CNTLN: variants seen among roughly 807,000 people sequenced by gnomAD.
CNTLN encodes the protein centlein, also known as centlein, centrosomal protein.
Under a neutral mutation model 180.0 loss-of-function variants are expected in CNTLN, and 212 were observed. That is an observed-to-expected ratio of 1.18 (90% CI 1.05 to 1.32). The LOEUF is 1.32. Among genes scored for constraint, CNTLN ranks in the 40% most tolerant of loss-of-function variants. CNTLN has a pLI of 0.00. For synonymous variants in CNTLN, 722 were observed against 563.1 expected (o/e 1.28, Z -3.99); for missense variants, 2,095 against 1,610.9 (o/e 1.30, Z -5.14).
intron 13 of CNTLN, among the ~76,000 whole-genome samples, chr9:17,373,272 A>T (rs958019992): frequency 1.3e-5 from 2 of 152,202 alleles, no homozygotes; most frequent in African/African-American, 4.8e-5. Context: ...AAACAAATTC[A>T]GTAAAGTGGA....
intron 6 of CNTLN, 139 bp from the exon 7 acceptor site, chr9:17,298,051 C>G: frequency 1.9e-6 from 1 of 532,500 alleles, no homozygotes; most frequent in African/African-American, 2.0e-5. Flanking sequence ...GTCATTATTT[C>G]TTTTATTAAT....
intron 18 of CNTLN, among the ~76,000 whole-genome samples, chr9:17,444,458 G>C (rs1376364750): frequency 6.6e-6 from 1 of 152,148 alleles, no homozygotes; most frequent in East Asian, 1.9e-4. Flanking sequence ...GGGCAGGACT[G>C]ATTTATACAT....
At chr9:17,201,736 T>C (rs771573038) in intron 2 of CNTLN, among the ~76,000 whole-genome samples, 1 of 152,138 alleles carries the variant, frequency 6.6e-6, no homozygotes, top group Non-Finnish European at 1.5e-5. Flanking sequence ...TGTTCTTTAT[T>C]ATTAGTCTAG....
chr9:17,182,718 C>G (rs1758114202), intron 2 of CNTLN, among the ~76,000 whole-genome samples: 1 of 152,178 alleles, frequency 6.6e-6, no homozygotes, highest in South Asian at 2.1e-4. Flanking sequence ...ACTTCTCTTA[C>G]CCTTATATAC....
chr9:17,233,762 T>C (rs972957256), intron 3 of CNTLN, among the ~76,000 whole-genome samples: 1 of 152,136 alleles, frequency 6.6e-6, no homozygotes, highest in East Asian at 1.9e-4. Flanking sequence ...TTTGGGAACA[T>C]ATGTTGAGCA....
At position 17,394,953 on chromosome 9, in the gene CNTLN, G is replaced by A. The variant is rs758313458; in HGVS notation, c.2499G>A (p.Ala833=). The change falls in exon 15 of 26, where the codon GCG becomes GCA. Residue 833 remains alanine, a synonymous_variant. Coordinates refer to ENST00000380647, the MANE Select transcript of CNTLN (RefSeq NM_017738.4). ...TGACCAAGGTTAAATTTAAAGCTGC[G>A]AAGAAAAATTGCTCTGTGGGTCGTC... ...TTMTKVKFKA[A]KKNCSVGRHH... The A allele has an allele frequency of 1.1e-5, 18 of 1,613,900 alleles. No homozygotes were observed. The African/African-American group carries it at 1.3e-4, about 12-fold the overall frequency.
chr9:17,258,663 G>A (rs1342275389), intron 5 of CNTLN, among the ~76,000 whole-genome samples: 12 of 148,976 alleles, frequency 8.1e-5, no homozygotes, highest in African/African-American at 2.6e-4. Context: ...GCAGTGGTTT[G>A]TAGTTCTCCT....
At chr9:17,204,348 T>G (rs1822764690) in intron 2 of CNTLN, among the ~76,000 whole-genome samples, 1 of 152,170 alleles carries the variant, frequency 6.6e-6, no homozygotes, top group South Asian at 2.1e-4. Context: ...TTTTTTTGTT[T>G]GTTAGTTTTT....
chr9:17,359,723 T>A (rs76646317), intron 12 of CNTLN, among the ~76,000 whole-genome samples: 6,573 of 17,226 alleles, frequency 0.38, 538 homozygotes, highest in South Asian at 0.47. Flanking sequence ...ATACTAAAAA[T>A]ACAAAAAAAA....
At chr9:17,359,417 C>T (rs188983581) in intron 12 of CNTLN, among the ~76,000 whole-genome samples, 296 of 151,928 alleles carry the variant, frequency 1.9e-3, no homozygotes, top group African/African-American at 6.7e-3. Context: ...TAAAAAATAC[C>T]ATTAAACGAA....
chr9:17,335,676 G>A (rs570539908), intron 10 of CNTLN, among the ~76,000 whole-genome samples: 1 of 152,158 alleles, frequency 6.6e-6, no homozygotes, highest in Admixed American at 6.6e-5. Context: ...GATGGCTCAG[G>A]CCTGTAATTG....
At chr9:17,268,266 C>G (rs1464401164) in intron 5 of CNTLN, among the ~76,000 whole-genome samples, 1 of 152,202 alleles carries the variant, frequency 6.6e-6, no homozygotes, top group Non-Finnish European at 1.5e-5. Flanking sequence ...ACAGGACCCT[C>G]AGCTGCAGGT....
At chr9:17,389,663 A>G (rs1825946365) in intron 14 of CNTLN, among the ~76,000 whole-genome samples, 1 of 152,190 alleles carries the variant, frequency 6.6e-6, no homozygotes, top group Non-Finnish European at 1.5e-5. Context: ...AAGGTTATAT[A>G]TGAAACTCAC....
chr9:17,253,508 T>C (rs1216218466), intron 5 of CNTLN, among the ~76,000 whole-genome samples: 2 of 151,620 alleles, frequency 1.3e-5, no homozygotes, highest in Non-Finnish European at 3.0e-5. Flanking sequence ...CCCAGATATT[T>C]ATTTGTGTTT....
intron 2 of CNTLN, among the ~76,000 whole-genome samples, chr9:17,187,817 A>G (rs1300891512): frequency 2.0e-5 from 3 of 151,560 alleles, no homozygotes; most frequent in Non-Finnish European, 4.4e-5. Context: ...CTTGAGTCCA[A>G]TATTGGAACT....
At chr9:17,204,266 T>A (rs1251065902) in intron 2 of CNTLN, among the ~76,000 whole-genome samples, 2 of 152,228 alleles carry the variant, frequency 1.3e-5, no homozygotes, top group Admixed American at 6.5e-5. Flanking sequence ...TCAGCATTTC[T>A]GCCCTGTTTT....
At chr9:17,155,543 G>A (rs185327162) in intron 2 of CNTLN, among the ~76,000 whole-genome samples, 32 of 152,322 alleles carry the variant, frequency 2.1e-4, no homozygotes, top group African/African-American at 7.7e-4. Flanking sequence ...GAACTTCCCA[G>A]CAGCTTTGTT....
chr9:17,346,527 T>C (rs539597550), intron 12 of CNTLN, among the ~76,000 whole-genome samples: 1 of 152,348 alleles, frequency 6.6e-6, no homozygotes, highest in Admixed American at 6.5e-5. Context: ...CAATTGTTTT[T>C]CTTCAGCACT....
chr9:17,445,608 G>A (rs1358185663), intron 18 of CNTLN, among the ~76,000 whole-genome samples: 1 of 152,204 alleles, frequency 6.6e-6, no homozygotes, highest in Non-Finnish European at 1.5e-5. Flanking sequence ...CTCCTTGAGA[G>A]TCATCACCAC....
Sources: gnomAD v4.1 joint callset for allele counts (sites outside exome capture counted in the v4.1 genomes callset) on GRCh38, gnomAD v4.1.1 for gene constraint, MANE v1.5 for transcripts, NCBI Gene and HGNC (gene_info 2026-07-23, HGNC 2026-07-21) for gene names.